The following PDE1A variants were observed in gnomAD, a reference collection of about 807,000 sequenced individuals.
The protein encoded by PDE1A is dual specificity calcium/calmodulin-dependent 3',5'-cyclic nucleotide phosphodiesterase 1A.
In PDE1A, 35 loss-of-function variants were observed where a neutral mutation model predicts 61.7. That is an observed-to-expected ratio of 0.57 (90% confidence interval 0.43 to 0.75). The LOEUF is 0.75. Ranked by LOEUF, PDE1A falls within the 30% of genes least tolerant of loss-of-function variation. The pLI is 0.00. For missense variants in PDE1A, 597 were observed against 630.6 expected (o/e 0.95, Z 0.57); for synonymous variants, 232 against 213.2 (o/e 1.09, Z -0.77).
At chr2:182,429,662 T>A (rs182361727), upstream of PDE1A, among the ~76,000 whole-genome samples, 282 of 152,202 alleles carry the variant, frequency 1.9e-3, 1 homozygote, top group African/African-American at 6.2e-3. Flanking sequence ...TCTAACCAAC[T>A]CATTTTGTGT....
At chr2:182,247,774 G>C (rs1216530621) in intron 2 of PDE1A, among the ~76,000 whole-genome samples, 1 of 152,278 alleles carries the variant, frequency 6.6e-6, no homozygotes, top group East Asian at 1.9e-4. Flanking sequence ...ACTTGTATAA[G>C]ATTATGCCAC....
the PDE1A span, among the ~76,000 whole-genome samples, chr2:182,554,961 ATTTCAAAAG>A: frequency 6.6e-6 from 1 of 152,254 alleles, no homozygotes; most frequent in Non-Finnish European, 1.5e-5. Context: ...TCAAGACATC[ATTTCAAAAG>A]TGTAAACAGA....
At chr2:182,311,355 T>C (rs190630586) in intron 1 of PDE1A, among the ~76,000 whole-genome samples, 187 of 152,352 alleles carry the variant, frequency 1.2e-3, no homozygotes, top group Non-Finnish European at 1.2e-3. Context: ...ATCAGGTTCA[T>C]TGATGTATAA....
chr2:182,169,847 C>T (rs1691974901), intron 13 of PDE1A, among the ~76,000 whole-genome samples: 1 of 151,402 alleles, frequency 6.6e-6, no homozygotes, highest in Non-Finnish European at 1.5e-5. Context: ...CTCCCTCTAC[C>T]TTCCTTCTTA....
In PDE1A at chr2:182,364,466, T is replaced by TAAAAAAAAAAAAAAAAAAAAAAAAAA. The variant is rs201821721; in HGVS notation, c.53+62086_53+62111dup. Among the ~76,000 whole-genome samples, 7 of 35,844 alleles carry TAAAAAAAAAAAAAAAAAAAAAAAAAA rather than the reference T, an allele frequency of 2.0e-4. 2 individuals are homozygous for TAAAAAAAAAAAAAAAAAAAAAAAAAA. Among genetic ancestry groups the TAAAAAAAAAAAAAAAAAAAAAAAAAA allele is most frequent in the East Asian group, 6.6e-4 (1 of 1,512 alleles). 23.5% of individuals were successfully genotyped at this position (35,844 alleles called of 152,430 possible). A position where few individuals can be genotyped will look rare whatever the true frequency, so the allele number is the denominator to read the frequency against. On this transcript the variant is annotated intron_variant, in intron 1 of 13. Coordinates refer to ENST00000351439, the Ensembl canonical transcript of PDE1A. ...CTCAGACTATATTAGAACACTTTGG[T>TAAAAAAAAAAAAAAAAAAAAAAAAAA]AAAAAAAAAAAAAAAAAAAAAAAAA...
At chr2:182,590,290 G>C in the PDE1A span, among the ~76,000 whole-genome samples, 1 of 152,050 alleles carries the variant, frequency 6.6e-6, no homozygotes, top group Non-Finnish European at 1.5e-5. Context: ...AACAAAGTGA[G>C]ACCCCCATCT....
intron 2 of PDE1A, among the ~76,000 whole-genome samples, chr2:182,445,127 A>G (rs1406619450): frequency 1.3e-5 from 2 of 152,118 alleles, no homozygotes; most frequent in Non-Finnish European, 2.9e-5. Flanking sequence ...GATTGATCAT[A>G]TTTTCCCCAG....
the PDE1A span, among the ~76,000 whole-genome samples, chr2:182,655,847 C>T: frequency 1.3e-5 from 2 of 152,180 alleles, no homozygotes; most frequent in African/African-American, 4.8e-5. Context: ...TTTAGGAAAC[C>T]TGCCAAGGCT....
At chr2:182,555,965 C>CAAAAAAAAAAAAAAAAAA in the PDE1A span, among the ~76,000 whole-genome samples, 3 of 48,440 alleles carry the variant, frequency 6.2e-5, no homozygotes, top group Admixed American at 2.8e-4. Flanking sequence ...AACTCCATCT[C>CAAAAAAAAAAAAAAAAAA]AAAAAAAAAA....
the PDE1A span, among the ~76,000 whole-genome samples, chr2:182,567,087 C>G: frequency 5.3e-5 from 8 of 152,088 alleles, no homozygotes; most frequent in Non-Finnish European, 1.5e-5. Flanking sequence ...TTTTTAAATG[C>G]AGAACATTTT....
chr2:182,704,820 T>C, the PDE1A span, among the ~76,000 whole-genome samples: 979 of 152,312 alleles, frequency 6.4e-3, 8 homozygotes, highest in African/African-American at 0.021. Flanking sequence ...ATTGTATATT[T>C]AAGAATGAAA....
the PDE1A span, among the ~76,000 whole-genome samples, chr2:182,547,865 C>A: frequency 6.6e-6 from 1 of 152,114 alleles, no homozygotes; most frequent in African/African-American, 2.4e-5. Flanking sequence ...TTTCCCAGTT[C>A]TCTGAGAGGT....
intron 1 of PDE1A, among the ~76,000 whole-genome samples, chr2:182,414,668 T>C (rs1702811535): frequency 6.6e-6 from 1 of 151,996 alleles, no homozygotes; most frequent in Admixed American, 6.6e-5. Flanking sequence ...TCTAGACATC[T>C]AAATGAAGAA....
At chr2:182,656,856 T>C in the PDE1A span, among the ~76,000 whole-genome samples, 113 of 152,342 alleles carry the variant, frequency 7.4e-4, 1 homozygote, top group African/African-American at 2.7e-3. Flanking sequence ...TAGGATGGTG[T>C]GATTAGTCAT....
chr2:182,495,698 C>T lies in PDE1A; in HGVS notation c.101+26578G>A, dbSNP rs568912327. ...TCTGAGCTGCTACAGTCAGCAGCCA[C>T]CCCCGCTCCTTCAAGTATGGCCCCT... is the stretch of plus-strand genomic sequence containing the variant. On this transcript the variant is annotated intron_variant, in intron 2 of 14. Transcript: ENST00000410103. Among the ~76,000 whole-genome samples, 4 of 152,264 alleles carry T rather than the reference C, an allele frequency of 2.6e-5. No homozygotes were observed. The South Asian group carries it at 8.3e-4, about 32-fold the overall frequency.
At chr2:182,540,404 G>C in the PDE1A span, among the ~76,000 whole-genome samples, 26 of 148,820 alleles carry the variant, frequency 1.7e-4, 1 homozygote, top group Admixed American at 1.6e-3. Flanking sequence ...AGCAGCAGCA[G>C]CAGCAGCAGC....
chr2:182,686,048 T>C, the PDE1A span, among the ~76,000 whole-genome samples: 2 of 152,088 alleles, frequency 1.3e-5, no homozygotes, highest in East Asian at 1.9e-4. Context: ...TCCAGAAAAA[T>C]TGAAAAATAT....
At chr2:182,272,300 G>A (rs968093418) in intron 1 of PDE1A, among the ~76,000 whole-genome samples, 2 of 152,120 alleles carry the variant, frequency 1.3e-5, no homozygotes, top group Non-Finnish European at 2.9e-5. Context: ...ACTTGGGAGG[G>A]CCCTGCACTT....
intron 13 of PDE1A, among the ~76,000 whole-genome samples, chr2:182,157,499 T>C (rs562965925): frequency 1.3e-5 from 2 of 152,338 alleles, no homozygotes; most frequent in South Asian, 4.1e-4. Flanking sequence ...ATTTTAGTGT[T>C]TATAATCAAC....
Sources: allele counts gnomAD v4.1 joint callset (sites outside exome capture counted in the v4.1 genomes callset), GRCh38; gene constraint gnomAD v4.1.1; transcripts MANE v1.5; gene names NCBI Gene and HGNC (gene_info 2026-07-23, HGNC 2026-07-21).